ARHGAP24: variants seen among roughly 807,000 people sequenced by gnomAD.
ARHGAP24 encodes Rho GTPase activating protein 24, also known as rho GTPase-activating protein 24.
ARHGAP24 carries 50 observed loss-of-function variants against 76.4 expected under a neutral mutation model. That is an observed-to-expected ratio of 0.65 (90% CI 0.52 to 0.83). The LOEUF (loss-of-function observed/expected upper bound fraction) is 0.83. Ranked by LOEUF, ARHGAP24 falls within the 40% of genes least tolerant of loss-of-function variation. The probability of loss-of-function intolerance (pLI) is 0.00; values close to 1 mark genes in which losing one functional copy is unlikely to be tolerated. For synonymous variants in ARHGAP24, 345 were observed against 323.3 expected, an observed-to-expected ratio of 1.07 and a Z score of -0.72; for missense variants, 930 against 914.2, an observed-to-expected ratio of 1.02 and a Z score of -0.22.
chr4:85,548,121 C>A (rs1032765265), intron 1 of ARHGAP24, among the ~76,000 whole-genome samples: 1 of 152,094 alleles, frequency 6.6e-6, no homozygotes, highest in Non-Finnish European at 1.5e-5. Context: ...CCATTGAAAG[C>A]CACTTCATAT....
Position 85,923,736 on chromosome 4 carries a change from A to G in ARHGAP24, c.357A>G (p.Ser119=), listed in dbSNP as rs2148811875. 1 of 1,614,008 alleles carries G rather than the reference A, an allele frequency of 6.2e-7. No individual in the cohort carries two copies. The highest frequency in any genetic ancestry group is 2.2e-5 in the East Asian group (1 of 44,874). Residue 119 remains serine (S), a synonymous_variant, in exon 4 of 10, where the codon TCA becomes TCG. Transcript: ENST00000395184. ...TQNDMEDWVK[S]IRRVIWGPFG... ...ATGATATGGAAGACTGGGTGAAGTC[A>G]ATCCGCCGAGTCATATGGGGACCTT... is the stretch of plus-strand genomic sequence containing the variant.
At position 85,485,415 on chromosome 4, in the gene ARHGAP24, C is replaced by A. The variant is rs28689928; in HGVS notation, c.-21+9856C>A. On this transcript the variant is annotated intron_variant, in intron 1 of 9. Transcript: ENST00000395184. ...TATATATATATATATATATATATAT[C>A]TCCTTGGATTTTTAAAATGTAGGCT... 6.9e-3 allele frequency among the ~76,000 whole-genome samples: 585 copies of A among 84,756 alleles called. 14 individuals are homozygous for A. The highest frequency in any genetic ancestry group is 0.032 in the African/African-American group (552 of 17,446). 55.6% of individuals were successfully genotyped at this position (84,756 alleles called of 152,430 possible). A position where few individuals can be genotyped will look rare whatever the true frequency, so the allele number is the denominator to read the frequency against.
At chr4:85,956,949 G>T (rs1251821467) in intron 5 of ARHGAP24, among the ~76,000 whole-genome samples, 1 of 152,214 alleles carries the variant, frequency 6.6e-6, no homozygotes, top group East Asian at 1.9e-4. Flanking sequence ...TGGCTCAAAT[G>T]CCTGGGTTTA....
chr4:85,833,984 A>G (rs1730131273), intron 3 of ARHGAP24, among the ~76,000 whole-genome samples: 1 of 152,244 alleles, frequency 6.6e-6, no homozygotes, highest in Non-Finnish European at 1.5e-5. Flanking sequence ...CAGTTTTCAC[A>G]TATGTAATAT....
At chr4:85,550,292 T>C (rs2110128482) in intron 1 of ARHGAP24, among the ~76,000 whole-genome samples, 1 of 152,366 alleles carries the variant, frequency 6.6e-6, no homozygotes. Context: ...AGCACATTTA[T>C]TGAATAGGGA....
At chr4:85,649,120 T>G (rs1721840700) in intron 2 of ARHGAP24, among the ~76,000 whole-genome samples, 1 of 152,048 alleles carries the variant, frequency 6.6e-6, no homozygotes, top group African/African-American at 2.4e-5. Context: ...GCTGATATCT[T>G]GGAAAGGCCT....
At chr4:85,760,822 A>G (rs1456729338) in intron 3 of ARHGAP24, among the ~76,000 whole-genome samples, 1 of 152,160 alleles carries the variant, frequency 6.6e-6, no homozygotes, top group Non-Finnish European at 1.5e-5. Context: ...GACTTGCCCC[A>G]CGTAGTTAAC....
intron 8 of ARHGAP24, among the ~76,000 whole-genome samples, chr4:85,979,456 A>C (rs774576138): frequency 1.3e-5 from 2 of 152,048 alleles, no homozygotes; most frequent in Non-Finnish European, 2.9e-5. Flanking sequence ...TGCAAAACTG[A>C]AACTCCCTAC....
At chr4:85,907,000 G>C (rs1734805545) in intron 3 of ARHGAP24, among the ~76,000 whole-genome samples, 3 of 152,104 alleles carry the variant, frequency 2.0e-5, no homozygotes, top group African/African-American at 4.8e-5. Context: ...GACTGACTAT[G>C]GAAGGAATTA....
In ARHGAP24 at chr4:85,850,618, A is replaced by G. The variant is rs576177974; in HGVS notation, c.269-73030A>G. 5.3e-5 allele frequency among the ~76,000 whole-genome samples: 8 copies of G among 152,326 alleles called. No individual in the cohort carries two copies. In the East Asian group the frequency reaches 1.3e-3, roughly 26 times the overall value. ...TAAATTTCCCTATACACACTGCTTT[A>G]AATGTGTCCCAGAGATTCTGGTACA... On this transcript the variant is annotated intron_variant, in intron 3 of 9. Transcript: ENST00000395184.
intron 2 of ARHGAP24, among the ~76,000 whole-genome samples, chr4:85,712,798 T>C (rs1724577200): frequency 6.6e-6 from 1 of 152,198 alleles, no homozygotes; most frequent in South Asian, 2.1e-4. Context: ...GCAAAGGCCC[T>C]GTTTTCTAAT....
chr4:85,717,773 A>G (rs10012090), intron 2 of ARHGAP24, among the ~76,000 whole-genome samples: 79,927 of 151,932 alleles, frequency 0.53, 23,841 homozygotes, highest in Non-Finnish European at 0.69. Context: ...AACTTTTATT[A>G]TATTTACTTG....
At chr4:85,683,576 T>G (rs7698203) in intron 2 of ARHGAP24, among the ~76,000 whole-genome samples, 37,815 of 152,134 alleles carry the variant, frequency 0.25, 7,293 homozygotes, top group African/African-American at 0.54. Context: ...TGTAATACTT[T>G]GTGATTTTAA....
intron 1 of ARHGAP24, among the ~76,000 whole-genome samples, chr4:85,524,568 G>A (rs1471636393): frequency 1.3e-5 from 2 of 152,112 alleles, no homozygotes; most frequent in African/African-American, 4.8e-5. Context: ...TTTTACATTT[G>A]GGGAGACAGG....
At chr4:85,806,644 A>C (rs956015812) in intron 3 of ARHGAP24, among the ~76,000 whole-genome samples, 18 of 152,170 alleles carry the variant, frequency 1.2e-4, no homozygotes, top group Non-Finnish European at 2.6e-4. Context: ...GATCTGAAAA[A>C]ACATGCACAA....
intron 5 of ARHGAP24, among the ~76,000 whole-genome samples, chr4:85,944,987 C>G (rs2148826982): frequency 6.6e-6 from 1 of 151,922 alleles, no homozygotes; most frequent in East Asian, 1.9e-4. Flanking sequence ...AGCTGGGCTA[C>G]AGGCATGTGC....
At chr4:85,881,535 A>G (rs1266726431) in intron 3 of ARHGAP24, among the ~76,000 whole-genome samples, 1 of 152,076 alleles carries the variant, frequency 6.6e-6, no homozygotes, top group Non-Finnish European at 1.5e-5. Context: ...AGTCCACATC[A>G]TTTCACAGAC....
At chr4:85,643,938 A>C (rs913974963) in intron 2 of ARHGAP24, among the ~76,000 whole-genome samples, 1 of 152,190 alleles carries the variant, frequency 6.6e-6, no homozygotes, top group African/African-American at 2.4e-5. Context: ...TTGTGTTATT[A>C]TTAGGTGTCT....
At chr4:85,787,815 A>G (rs796171726) in intron 3 of ARHGAP24, among the ~76,000 whole-genome samples, 4 of 152,266 alleles carry the variant, frequency 2.6e-5, no homozygotes, top group African/African-American at 4.8e-5. Flanking sequence ...AGCTGAGTAC[A>G]TGGGGGACAG....
Sources: gnomAD v4.1 joint callset for allele counts (sites outside exome capture counted in the v4.1 genomes callset) on GRCh38, gnomAD v4.1.1 for gene constraint, MANE v1.5 for transcripts, NCBI Gene and HGNC (gene_info 2026-07-23, HGNC 2026-07-21) for gene names.